The following SRGAP1 variants were observed in gnomAD, a reference collection of about 807,000 sequenced individuals.
The protein encoded by SRGAP1 is SLIT-ROBO Rho GTPase-activating protein 1.
Under a neutral mutation model 121.9 loss-of-function variants are expected in SRGAP1, and 43 were observed. That is an observed-to-expected ratio of 0.35 (90% confidence interval 0.28 to 0.46). SRGAP1 has a LOEUF of 0.46. Among genes scored for constraint, SRGAP1 ranks in the 20% least tolerant of loss-of-function variants. The probability of loss-of-function intolerance (pLI) is 1.00; values close to 1 mark genes in which losing one functional copy is unlikely to be tolerated. For missense variants in SRGAP1, 1,102 were observed against 1,350.9 expected (o/e 0.82, Z 2.89); for synonymous variants, 447 against 485.4 (o/e 0.92, Z 1.04).
At chr12:64,043,723 T>A in intron 6 of SRGAP1, 148 bp downstream of exon 6, 2 of 576,462 alleles carry the variant, frequency 3.5e-6, no homozygotes, top group Non-Finnish European at 5.7e-6. Flanking sequence ...AAATTATCCG[T>A]AATATGAAGA....
chr12:63,901,868 G>C (rs1462208429), intron 1 of SRGAP1, among the ~76,000 whole-genome samples: 1 of 152,232 alleles, frequency 6.6e-6, no homozygotes, highest in Middle Eastern at 3.2e-3. Context: ...CCTGTAGGTT[G>C]TCGAGTTTAA....
chr12:63,879,577 T>A (rs2136284812), intron 1 of SRGAP1: 1 of 152,348 alleles, frequency 6.6e-6, no homozygotes, highest in African/African-American at 2.4e-5. Context: ...TTTCTCTGTA[T>A]TTCTTTGGGG....
chr12:64,018,882 A>G (rs1484171571), intron 4 of SRGAP1, among the ~76,000 whole-genome samples: 2 of 152,200 alleles, frequency 1.3e-5, no homozygotes, highest in Non-Finnish European at 2.9e-5. Flanking sequence ...AAGTTAAATG[A>G]CCTTTGTATA....
chr12:63,992,630 T>C (rs1195084510), intron 3 of SRGAP1, among the ~76,000 whole-genome samples: 1 of 148,952 alleles, frequency 6.7e-6, no homozygotes, highest in African/African-American at 2.5e-5. Context: ...TGCTGGCTCT[T>C]GAGGAATGGC....
chr12:64,127,476 A>G (rs1240518399), intron 19 of SRGAP1, 114 bp from the exon 20 acceptor site: 20 of 1,047,880 alleles, frequency 1.9e-5, no homozygotes, highest in Middle Eastern at 2.8e-4. Context: ...TTCATGCATA[A>G]TGCTATTTCA....
rs149180451 is a variant in SRGAP1, at chr12:64,091,335, A to G, written c.1496A>G (p.Tyr499Cys). The change falls in exon 12 of 22, where the codon TAT becomes TGT. Residue 499 changes from tyrosine (Y) to cysteine (C), a missense_variant. This residue lies in a region of SRGAP1 where 747 missense variants were observed against 929.4 expected (regional missense o/e 0.80). Transcript: ENST00000355086. ...KHRKSRPRSQYNTKLFNGDLE... is the reference protein window; with the variant it reads ...KHRKSRPRSQCNTKLFNGDLE... ...AGGAAGTCCAGGCCCCGCTCACAGT[A>G]TAATACTAAGTTGTTTAATGGGGAT... is the stretch of plus-strand genomic sequence containing the variant. 1.7e-5 allele frequency: 28 copies of G among 1,612,114 alleles called. No individual in the cohort carries two copies. In the Admixed American group the frequency reaches 2.5e-4, roughly 14 times the overall value.
chr12:63,852,520 T>C (rs1459444534), intron 1 of SRGAP1, among the ~76,000 whole-genome samples: 1 of 152,088 alleles, frequency 6.6e-6, no homozygotes, highest in African/African-American at 2.4e-5. Flanking sequence ...CATTATAAGG[T>C]GGATTTTATA....
intron 3 of SRGAP1, among the ~76,000 whole-genome samples, chr12:64,008,813 A>C (rs2034164179): frequency 6.6e-6 from 1 of 152,154 alleles, no homozygotes; most frequent in Non-Finnish European, 1.5e-5. Flanking sequence ...TGACTTATAA[A>C]TGAGCAAATT....
intron 21 of SRGAP1, among the ~76,000 whole-genome samples, chr12:64,138,371 T>G (rs1463646739): frequency 6.6e-6 from 1 of 152,094 alleles, no homozygotes; most frequent in East Asian, 1.9e-4. Flanking sequence ...TATCCATCTG[T>G]TGATGGGGCA....
chr12:64,110,226 C>T (rs1326387550), intron 16 of SRGAP1, among the ~76,000 whole-genome samples: 2 of 152,154 alleles, frequency 1.3e-5, no homozygotes, highest in Admixed American at 1.3e-4. Context: ...TTCCTGCTGG[C>T]CCCCTCCATA....
At chr12:63,995,761 G>A (rs1224784498) in intron 3 of SRGAP1, among the ~76,000 whole-genome samples, 1 of 151,968 alleles carries the variant, frequency 6.6e-6, no homozygotes, top group Non-Finnish European at 1.5e-5. Flanking sequence ...ACTCACTTTA[G>A]GTATTGCTGA....
chr12:64,099,883 T>C lies in SRGAP1; in HGVS notation c.1813+2508T>C, dbSNP rs191390000. Among the ~76,000 whole-genome samples, 4 of 152,334 alleles carry C rather than the reference T, an allele frequency of 2.6e-5. No homozygotes were observed. In the East Asian group the frequency reaches 7.7e-4, roughly 29 times the overall value. ...ATTATAGAATCATTTCACACTTTTA[T>C]TGGATGAAAAATATCATTTCATAGT... On this transcript the variant is annotated intron_variant, in intron 15 of 21. Coordinates refer to ENST00000355086, the MANE Select transcript of SRGAP1 (RefSeq NM_020762.4).
chr12:64,106,609 T>C (rs1047216323), intron 15 of SRGAP1, among the ~76,000 whole-genome samples: 3 of 152,232 alleles, frequency 2.0e-5, no homozygotes, highest in Admixed American at 6.5e-5. Flanking sequence ...CTCTGGGACA[T>C]GTCTTGATCC....
At chr12:64,032,907 A>AT (rs1358701017) in intron 4 of SRGAP1, among the ~76,000 whole-genome samples, 1 of 152,026 alleles carries the variant, frequency 6.6e-6, no homozygotes, top group African/African-American at 2.4e-5. Context: ...TTTTTTAGTC[A>AT]TTTTTTATCA....
intron 7 of SRGAP1, 114 bp downstream of exon 7, chr12:64,063,252 T>G (rs2035482046): frequency 1.1e-6 from 1 of 944,894 alleles, no homozygotes; most frequent in Non-Finnish European, 1.6e-6. Flanking sequence ...CTCCTGTCCT[T>G]GCAGAGGCTC....
chr12:64,090,901 G>A (rs1373086389), intron 11 of SRGAP1, among the ~76,000 whole-genome samples: 4 of 152,084 alleles, frequency 2.6e-5, no homozygotes, highest in African/African-American at 2.4e-5. Flanking sequence ...GGGATCTACC[G>A]GAGCCCTAAT....
At chr12:64,125,527 A>G (rs2036673151) in intron 18 of SRGAP1, among the ~76,000 whole-genome samples, 1 of 152,128 alleles carries the variant, frequency 6.6e-6, no homozygotes, top group African/African-American at 2.4e-5. Flanking sequence ...AAACTTCCTA[A>G]TGTTCTGAGA....
intron 21 of SRGAP1, among the ~76,000 whole-genome samples, chr12:64,137,015 G>C (rs939302046): frequency 6.6e-6 from 1 of 152,102 alleles, no homozygotes; most frequent in Non-Finnish European, 1.5e-5. Context: ...TGTAATCCCA[G>C]CACTTTGGGA....
intron 1 of SRGAP1, among the ~76,000 whole-genome samples, chr12:63,845,282 A>G (rs1044162652): frequency 6.6e-6 from 1 of 152,130 alleles, no homozygotes; most frequent in Admixed American, 6.5e-5. Context: ...TTACGGAATG[A>G]TTTTTGTAAA....
Sources: gnomAD v4.1 joint callset for allele counts (sites outside exome capture counted in the v4.1 genomes callset) on GRCh38, gnomAD v4.1.1 for gene constraint, gnomAD v4.1.1 regional missense constraint, MANE v1.5 for transcripts, NCBI Gene and HGNC (gene_info 2026-07-23, HGNC 2026-07-21) for gene names.